The following DIP2C variants were observed in gnomAD, a reference collection of about 807,000 sequenced individuals.
DIP2C encodes disco-interacting protein 2 homolog C.
DIP2C carries 33 observed loss-of-function variants against 192.4 expected under a neutral mutation model. The ratio of observed to expected loss-of-function variants is 0.17; its 90% CI spans 0.13 to 0.23. The LOEUF is 0.23. Among genes scored for constraint, DIP2C ranks in the 10% least tolerant of loss-of-function variants. DIP2C has a pLI of 1.00. For synonymous variants in DIP2C, 979 were observed against 864.1 expected (o/e 1.13, Z -2.33); for missense variants, 1,537 against 2,110.1 (o/e 0.73, Z 5.32).
chr10:449,781 TTAA>T (rs1231392272), intron 3 of DIP2C, among the ~76,000 whole-genome samples: 7 of 128,678 alleles, frequency 5.4e-5, no homozygotes, highest in African/African-American at 2.1e-4. Flanking sequence ...TAAAGTATAA[TTAA>T]AAAAAAAAAA....
At chr10:377,719 G>A (rs1195708890) in intron 17 of DIP2C, among the ~76,000 whole-genome samples, 1 of 152,190 alleles carries the variant, frequency 6.6e-6, no homozygotes, top group Non-Finnish European at 1.5e-5. Flanking sequence ...GTGGGCATCA[G>A]ACAGCACCCT....
At chr10:305,003 ATACT>A (rs1348207954) in intron 32 of DIP2C, among the ~76,000 whole-genome samples, 1 of 135,744 alleles carries the variant, frequency 7.4e-6, no homozygotes, top group Admixed American at 7.9e-5. Flanking sequence ...CAACTGCAAC[ATACT>A]TGCAACACAC....
intron 31 of DIP2C, among the ~76,000 whole-genome samples, chr10:313,820 A>G (rs564008278): frequency 2.4e-4 from 37 of 152,380 alleles, no homozygotes; most frequent in Admixed American, 1.5e-3. Context: ...TCTCAGGTGA[A>G]GATATACAGA....
chr10:576,330 C>A (rs996604513), intron 1 of DIP2C, among the ~76,000 whole-genome samples: 13 of 152,190 alleles, frequency 8.5e-5, no homozygotes, highest in African/African-American at 2.4e-4. Flanking sequence ...TGACTCTTGA[C>A]AATTACTCAT....
chr10:434,515 C>T (rs1197482457), intron 4 of DIP2C, among the ~76,000 whole-genome samples: 2 of 152,210 alleles, frequency 1.3e-5, no homozygotes, highest in Non-Finnish European at 1.5e-5. Context: ...TCCAGCAATT[C>T]TCCCGCCTTG....
chr10:303,841 A>G (rs1037007435), intron 32 of DIP2C, among the ~76,000 whole-genome samples: 2 of 152,068 alleles, frequency 1.3e-5, no homozygotes, highest in Non-Finnish European at 2.9e-5. Context: ...TTTACTTTTT[A>G]AACTTTTTTT....
At chr10:390,903 G>A in intron 10 of DIP2C, 40 bp from the exon 11 acceptor site, 1 of 1,606,440 alleles carries the variant, frequency 6.2e-7, no homozygotes, top group Non-Finnish European at 8.5e-7. Context: ...TCCACGACCT[G>A]CCCCACTCCG....
intron 1 of DIP2C, among the ~76,000 whole-genome samples, chr10:634,340 A>C (rs1174792090): frequency 1.3e-5 from 2 of 152,190 alleles, no homozygotes; most frequent in Non-Finnish European, 2.9e-5. Flanking sequence ...TGCCCGTCCA[A>C]GGCAGCTACA....
intron 1 of DIP2C, among the ~76,000 whole-genome samples, chr10:655,874 A>G (rs1351814847): frequency 1.3e-5 from 2 of 150,890 alleles, no homozygotes; most frequent in African/African-American, 4.9e-5. Flanking sequence ...CTTCTATTCT[A>G]TGTTACCCTA....
chr10:390,547 C>A (rs143797813), intron 11 of DIP2C, among the ~76,000 whole-genome samples, 174 bp from the exon 12 acceptor site: 76 of 151,674 alleles, frequency 5.0e-4, no homozygotes, highest in Non-Finnish European at 8.5e-4. Context: ...CGCCACCATG[C>A]GTTACCTCAC....
At chr10:489,349 A>C (rs1844257090) in intron 1 of DIP2C, among the ~76,000 whole-genome samples, 2 of 152,362 alleles carry the variant, frequency 1.3e-5, no homozygotes, top group South Asian at 2.1e-4. Context: ...GTGCGAATAC[A>C]ATCAGGTCAT....
chr10:616,828 C>T lies in DIP2C; in HGVS notation c.85+72666G>A, dbSNP rs144848183. ...TTCTGATGAAAATATTTGAGAGCCA[C>T]GCCCATCAGCGAGAGGCCGCCGTGG... On this transcript the variant is annotated intron_variant, in intron 1 of 36. Transcript: ENST00000280886. Among the ~76,000 whole-genome samples the T allele has an allele frequency of 7.0e-4, 106 of 152,214 alleles. No homozygotes were observed. In the East Asian group the frequency reaches 0.018, roughly 26 times the overall value.
At chr10:486,194 T>C (rs1413027407) in intron 2 of DIP2C, among the ~76,000 whole-genome samples, 1 of 152,252 alleles carries the variant, frequency 6.6e-6, no homozygotes, top group African/African-American at 2.4e-5. Context: ...TTTACGATTA[T>C]AGCATTTTAA....
rs190250660 is a variant in DIP2C, at chr10:475,416, G to A, written c.158-2867C>T. ...TATCCAGTGGCCTGACGTTTTTAATGTTTCACCTTCAATCTCAGTACCACA... is the reference window on the plus strand; with the variant it reads ...TATCCAGTGGCCTGACGTTTTTAATATTTCACCTTCAATCTCAGTACCACA... On this transcript the variant is annotated intron_variant, in intron 2 of 36. Transcript: ENST00000280886. Among the ~76,000 whole-genome samples, 78 of 152,248 alleles carry A rather than the reference G, an allele frequency of 5.1e-4. 1 individual carries two copies. Among genetic ancestry groups the A allele is most frequent in the African/African-American group, 1.7e-3 (72 of 41,550 alleles).
chr10:358,033 T>G (rs1186715669), intron 22 of DIP2C, 96 bp from the exon 23 acceptor site: 13 of 832,660 alleles, frequency 1.6e-5, no homozygotes, highest in Non-Finnish European at 2.5e-5. Context: ...CTCGGAAAAC[T>G]TCTGGAAAGA....
chr10:287,378 T>C (rs1955200317), intron 33 of DIP2C, among the ~76,000 whole-genome samples: 1 of 152,198 alleles, frequency 6.6e-6, no homozygotes, highest in Non-Finnish European at 1.5e-5. Context: ...CTAACATTTA[T>C]GATTGAGATA....
rs148784563 is a variant in DIP2C, at chr10:290,834, G to A, written c.3987-2413C>T. ...TAGGACACACCATCTCCATTTCTGC[G>A]GCCAATCCTCAGTCATCTCTACTTT... is the stretch of plus-strand genomic sequence containing the variant. On this transcript the variant is annotated intron_variant, in intron 32 of 36. Coordinates refer to ENST00000280886, the MANE Select transcript of DIP2C (RefSeq NM_014974.3). Among the ~76,000 whole-genome samples the A allele has an allele frequency of 9.8e-5, 15 of 152,308 alleles. 1 individual carries two copies. In the East Asian group the frequency reaches 2.7e-3, roughly 27 times the overall value.
chr10:678,012 C>T (rs369396573), intron 1 of DIP2C, among the ~76,000 whole-genome samples: 2 of 152,348 alleles, frequency 1.3e-5, no homozygotes, highest in South Asian at 2.1e-4. Flanking sequence ...GAGCATAGCC[C>T]GAAGGTGCCA....
intron 1 of DIP2C, among the ~76,000 whole-genome samples, chr10:583,056 T>TAC (rs1850766285): frequency 1.3e-5 from 2 of 152,252 alleles, no homozygotes; most frequent in Admixed American, 1.3e-4. Context: ...TCACATGTAT[T>TAC]ACCTTTTGGG....
Sources: gnomAD v4.1 joint callset for allele counts (sites outside exome capture counted in the v4.1 genomes callset) on GRCh38, gnomAD v4.1.1 for gene constraint, MANE v1.5 for transcripts, NCBI Gene and HGNC (gene_info 2026-07-23, HGNC 2026-07-21) for gene names.